ADAMTS9: variants seen among roughly 807,000 people sequenced by gnomAD.
ADAMTS9 encodes A disintegrin and metalloproteinase with thrombospondin motifs 9.
Under a neutral mutation model 257.1 loss-of-function variants are expected in ADAMTS9, and 107 were observed. The observed-to-expected ratio is 0.42, with a 90% confidence interval of 0.36 to 0.49. ADAMTS9 has a LOEUF of 0.49. Ranked by LOEUF, ADAMTS9 falls within the 20% of genes least tolerant of loss-of-function variation. The pLI, the probability that ADAMTS9 is intolerant of heterozygous loss-of-function variation, is 0.03. For missense variants in ADAMTS9, 2,353 were observed against 2,469.1 expected (o/e 0.95, Z 1.00); for synonymous variants, 982 against 880.9 (o/e 1.11, Z -2.03).
intron 30 of ADAMTS9, among the ~76,000 whole-genome samples, chr3:64,554,075 G>A (rs1465569666): frequency 6.6e-6 from 1 of 152,118 alleles, no homozygotes; most frequent in African/African-American, 2.4e-5. Flanking sequence ...TAATTATTGC[G>A]CAGCTAAACC....
At chr3:64,543,625 A>G (rs1300555476) in intron 32 of ADAMTS9, among the ~76,000 whole-genome samples, 1 of 152,240 alleles carries the variant, frequency 6.6e-6, no homozygotes, top group Non-Finnish European at 1.5e-5. Context: ...TCTCAAAATA[A>G]TAAGAGCTAT....
At position 64,686,616 on chromosome 3, in the gene ADAMTS9, G is replaced by C. The variant is rs753765350; in HGVS notation, c.468C>G (p.Val156=). Residue 156 remains valine, a synonymous_variant, in exon 2 of 40, where the codon GTC becomes GTG. Transcript: ENST00000498707. The surrounding 1 kb of genome is among the most constrained non-coding windows in gnomAD (Gnocchi z 4.6). ...ELKHCFYKGY[V]NTNSEHTAVI... is the part of the protein sequence containing the mutation. Reference sequence around the variant, plus strand: ...CGGCCGTGTGCTCGGAGTTGGTATTGACATAGCCTTTGTAGAAACAGTGCT... The same window carrying C: ...CGGCCGTGTGCTCGGAGTTGGTATTCACATAGCCTTTGTAGAAACAGTGCT... The C allele has an allele frequency of 6.2e-7, 1 of 1,613,828 alleles. No individual in the cohort carries two copies. Among genetic ancestry groups the C allele is most frequent in the South Asian group, 1.1e-5 (1 of 90,942 alleles).
At position 64,614,687 on chromosome 3, in the gene ADAMTS9, T is replaced by C. The variant is rs529548357; in HGVS notation, c.3189+634A>G. On this transcript the variant is annotated intron_variant, in intron 21 of 39. Transcript: ENST00000498707. Reference sequence around the variant, plus strand: ...CTGTGTTAATAGTGAGTGCTAATACTATATCATAAAAGCAAGAAAGAGGCT... The same window carrying C: ...CTGTGTTAATAGTGAGTGCTAATACCATATCATAAAAGCAAGAAAGAGGCT... Among the ~76,000 whole-genome samples the C allele has an allele frequency of 2.0e-4, 30 of 152,276 alleles. 1 individual carries two copies. The South Asian group carries it at 5.8e-3, about 29-fold the overall frequency.
At chr3:64,621,710 T>C (rs1576127082) in intron 18 of ADAMTS9, among the ~76,000 whole-genome samples, 1 of 150,806 alleles carries the variant, frequency 6.6e-6, no homozygotes, top group South Asian at 2.1e-4. Context: ...TGCAGTGGGC[T>C]GAGATTGTGC....
chr3:64,634,183 C>T (rs928683482), intron 12 of ADAMTS9, among the ~76,000 whole-genome samples: 9 of 152,042 alleles, frequency 5.9e-5, no homozygotes, highest in Non-Finnish European at 1.2e-4. Context: ...ATATGAGATG[C>T]GAAGCCTGAA....
At chr3:64,576,170 G>C (rs747289598) in intron 28 of ADAMTS9, among the ~76,000 whole-genome samples, 1 of 152,162 alleles carries the variant, frequency 6.6e-6, no homozygotes, top group Non-Finnish European at 1.5e-5. Context: ...GGAGAGGAAA[G>C]ATGCTGTATC....
intron 30 of ADAMTS9, among the ~76,000 whole-genome samples, chr3:64,552,513 G>A (rs1044802438): frequency 6.6e-6 from 1 of 152,086 alleles, no homozygotes; most frequent in Non-Finnish European, 1.5e-5. Context: ...TGTTGGCAAC[G>A]GGCTTATCTA....
intron 39 of ADAMTS9, among the ~76,000 whole-genome samples, chr3:64,517,601 G>A (rs1245054121): frequency 6.6e-6 from 1 of 151,094 alleles, no homozygotes. Flanking sequence ...GAAACTTGGA[G>A]GTTTCAGGGA....
Position 64,529,982 on chromosome 3 carries a change from A to ATTTTT in ADAMTS9, c.5718+3179_5718+3183dup, listed in dbSNP as rs200385291. Among the ~76,000 whole-genome samples the ATTTTT allele has an allele frequency of 9.5e-3, 1,006 of 106,390 alleles. 1 individual carries two copies. Among genetic ancestry groups the ATTTTT allele is most frequent in the East Asian group, 0.015 (54 of 3,536 alleles). The allele number at this position is 106,390 out of a possible 152,430, so 69.8% of individuals were successfully genotyped here. A position where few individuals can be genotyped will look rare whatever the true frequency, so the allele number is the denominator to read the frequency against. On this transcript the variant is annotated intron_variant, in intron 38 of 39. Coordinates refer to ENST00000498707, the MANE Select transcript of ADAMTS9 (RefSeq NM_182920.2). ...GCACACCACCACAGTCAGTTATTTA[A>ATTTTT]TTTTTTTTTTTTTTTTTTTTTTGTA...
At chr3:64,620,289 A>G (rs1700074750) in intron 19 of ADAMTS9, among the ~76,000 whole-genome samples, 1 of 152,208 alleles carries the variant, frequency 6.6e-6, no homozygotes, top group South Asian at 2.1e-4. Context: ...CACTACAGGC[A>G]GCCAATACCC....
At chr3:64,647,842 G>C (rs934872306) in intron 11 of ADAMTS9, 98 bp downstream of exon 11, 7 of 1,005,830 alleles carry the variant, frequency 7.0e-6, no homozygotes, top group Non-Finnish European at 1.0e-5. Flanking sequence ...AAAACAGACT[G>C]CATTGTCTTA....
At chr3:64,532,709 T>C (rs2082998360) in intron 38 of ADAMTS9, among the ~76,000 whole-genome samples, 1 of 152,208 alleles carries the variant, frequency 6.6e-6, no homozygotes. Context: ...AGACCCTGTG[T>C]ATCTCTAATT....
chr3:64,628,544 G>T (rs1700284318), intron 16 of ADAMTS9, among the ~76,000 whole-genome samples: 1 of 152,074 alleles, frequency 6.6e-6, no homozygotes, highest in South Asian at 2.1e-4. Context: ...AAAAATACTT[G>T]CCCCATTCTG....
chr3:64,539,397 T>A lies in ADAMTS9; in HGVS notation c.5522-103A>T, dbSNP rs981792208. ...AGGAGACAGAAGGGAAGAAGAAGAA[T>A]AAGAGGGAATGGGAGAGAAAGAAGC... On this transcript the variant is annotated intron_variant, in intron 36 of 39. Transcript: ENST00000498707. The A allele has an allele frequency of 5.8e-5, 54 of 937,556 alleles. 1 individual carries two copies. In the Admixed American group the frequency reaches 1.1e-3, roughly 18 times the overall value. 58.1% of individuals were successfully genotyped at this position (937,556 alleles called of 1,614,324 possible). A position where few individuals can be genotyped will look rare whatever the true frequency, so the allele number is the denominator to read the frequency against.
At chr3:64,586,592 G>A (rs1231974619) in intron 28 of ADAMTS9, 1 of 152,140 alleles carries the variant, frequency 6.6e-6, no homozygotes, top group Non-Finnish European at 1.5e-5. Flanking sequence ...TGGCCACTGA[G>A]GAAGAGAACT....
chr3:64,568,626 C>T, intron 28 of ADAMTS9, 91 bp from the exon 29 acceptor site: 1 of 1,451,036 alleles, frequency 6.9e-7, no homozygotes. Context: ...TAAGACAATG[C>T]CTAACAAGAG....
chr3:64,590,492 T>C (rs1367853132), intron 28 of ADAMTS9, among the ~76,000 whole-genome samples: 1 of 152,178 alleles, frequency 6.6e-6, no homozygotes, highest in Non-Finnish European at 1.5e-5. Context: ...CACATAGAAA[T>C]CTGTACTGCT....
At chr3:64,555,176 C>T (rs1341095122) in intron 30 of ADAMTS9, among the ~76,000 whole-genome samples, 1 of 152,168 alleles carries the variant, frequency 6.6e-6, no homozygotes, top group Non-Finnish European at 1.5e-5. Context: ...TCATGAGAAG[C>T]AGCAATGACA....
intron 3 of ADAMTS9, among the ~76,000 whole-genome samples, chr3:64,665,251 C>T (rs9874471): frequency 0.029 from 4,351 of 152,244 alleles, 119 homozygotes; most frequent in East Asian, 0.12. Context: ...ACTTTGGCGT[C>T]GATGCTCACA....
Sources: gnomAD v4.1 joint callset for allele counts (sites outside exome capture counted in the v4.1 genomes callset) on GRCh38, gnomAD v4.1.1 for gene constraint, Gnocchi (gnomAD v3.1) non-coding constraint, MANE v1.5 for transcripts, NCBI Gene and HGNC (gene_info 2026-07-23, HGNC 2026-07-21) for gene names.